FASTKD1: variants seen among roughly 807,000 people sequenced by gnomAD.
The protein encoded by FASTKD1 is FAST kinase domain-containing protein 1, mitochondrial.
Under a neutral mutation model 90.9 loss-of-function variants are expected in FASTKD1, and 94 were observed. The ratio of observed to expected loss-of-function variants is 1.03; its 90% CI spans 0.88 to 1.23. The LOEUF (loss-of-function observed/expected upper bound fraction) is 1.23, where lower values mean the gene tolerates loss of function less well. Among genes scored for constraint, FASTKD1 ranks in the 50% most tolerant of loss-of-function variants. The pLI is 0.00. For synonymous variants in FASTKD1, 319 were observed against 345.8 expected (o/e 0.92, Z 0.86); for missense variants, 945 against 993.5 (o/e 0.95, Z 0.66).
chr2:169,544,713 ATACCTACCTAAG>A lies in FASTKD1; in HGVS notation c.1812_1816+7del. ...TTCACTCAATGTATTACCAAACAAT[ATACCTACCTAAG>A]TAAGAATTAAGATGTTGCACGCAAG... On this transcript the variant is annotated splice_donor_variant and splice_donor_5th_base_variant and coding_sequence_variant and intron_variant, in exon 9 of 15. Coordinates refer to ENST00000453153, the MANE Select transcript of FASTKD1 (RefSeq NM_024622.6). LOFTEE classifies it high-confidence loss of function. 6.7e-7 allele frequency: 1 copy of A among 1,481,802 alleles called. No homozygotes were observed. The highest frequency in any genetic ancestry group is 1.8e-4 in the Middle Eastern group (1 of 5,456). 91.8% of individuals were successfully genotyped at this position (1,481,802 alleles called of 1,614,324 possible).
intron 6 of FASTKD1, 57 bp from the exon 7 acceptor site, chr2:169,555,312 A>G: frequency 6.8e-7 from 1 of 1,463,250 alleles, no homozygotes. Context: ...CACATTTACT[A>G]TGGTGCTTTC....
intron 3 of FASTKD1, among the ~76,000 whole-genome samples, chr2:169,564,721 G>A (rs1330114522): frequency 1.3e-5 from 2 of 151,584 alleles, no homozygotes; most frequent in Non-Finnish European, 2.9e-5. Context: ...ACAATCGCCC[G>A]TTACCCTTCC....
chr2:169,538,622 C>G (rs1018201539), intron 10 of FASTKD1, among the ~76,000 whole-genome samples: 1 of 140,416 alleles, frequency 7.1e-6, no homozygotes, highest in Non-Finnish European at 1.5e-5. Context: ...TTTTGGGTAA[C>G]CAAGATCATG....
chr2:169,539,835 C>T (rs1447150720), intron 10 of FASTKD1, among the ~76,000 whole-genome samples: 1 of 152,034 alleles, frequency 6.6e-6, no homozygotes, highest in Non-Finnish European at 1.5e-5. Flanking sequence ...AAGAAATACT[C>T]CAAAACATTA....
In FASTKD1 at chr2:169,555,191, G is replaced by C. The variant is rs1354858085; in HGVS notation, c.1147C>G (p.Gln383Glu). ...YKPLELLKIT[Q>E]ELTFLHFQRK... ...TGGAAATGCAGAAAAGTTAATTCTT[G>C]AGTTATCTTCAACAACTCTAATGGT... The change falls in exon 7 of 15, where the codon CAA becomes GAA. Residue 383 changes from glutamine to glutamate, a missense_variant. Transcript: ENST00000453153. The C allele has an allele frequency of 6.2e-7, 1 of 1,612,250 alleles. No individual in the cohort carries two copies. The highest frequency in any genetic ancestry group is 1.7e-5 in the Admixed American group (1 of 59,852).
chr2:169,547,293 C>T (rs888134680), intron 7 of FASTKD1, among the ~76,000 whole-genome samples: 25 of 152,174 alleles, frequency 1.6e-4, no homozygotes, highest in Non-Finnish European at 3.1e-4. Flanking sequence ...TCCACGTGTT[C>T]GGCTATCCGG....
rs757368016 is a variant in FASTKD1 at position 169,569,228 on chromosome 2, C to G, written c.402G>C (p.Pro134=). 2 of 1,613,994 alleles carry G rather than the reference C, an allele frequency of 1.2e-6. No homozygotes were observed. The highest frequency in any genetic ancestry group is 1.7e-5 in the Admixed American group (1 of 60,018). ...TQQFAGEAHD[P]LVEALVTEAW... is the part of the protein sequence containing the mutation. Reference sequence around the variant, plus strand: ...CTTCTGTAACTAGTGCTTCAACTAGCGGGTCATGGGCCTCACCAGCAAACC... The same window carrying G: ...CTTCTGTAACTAGTGCTTCAACTAGGGGGTCATGGGCCTCACCAGCAAACC... Residue 134 remains proline, a synonymous_variant, in exon 3 of 15, where the codon CCG becomes CCC. Transcript: ENST00000453153.
chr2:169,537,217 A>G lies in FASTKD1; in HGVS notation c.2188+10T>C. On this transcript the variant is annotated intron_variant, in intron 12 of 14. Transcript: ENST00000453153. ...TCTGAAAGTAACTAATAACCTACCC[A>G]ATAACTTACCTACTTTGTGGTAATA... is the stretch of plus-strand genomic sequence containing the variant. 2 of 1,489,828 alleles carry G rather than the reference A, an allele frequency of 1.3e-6. No individual in the cohort carries two copies. The highest frequency in any genetic ancestry group is 1.9e-6 in the Non-Finnish European group (2 of 1,067,766). 92.3% of individuals were successfully genotyped at this position (1,489,828 alleles called of 1,614,324 possible).
intron 11 of FASTKD1, among the ~76,000 whole-genome samples, 179 bp from the exon 12 acceptor site, chr2:169,537,519 G>A (rs549490002): frequency 8.2e-4 from 124 of 152,056 alleles, no homozygotes; most frequent in Non-Finnish European, 1.4e-3. Flanking sequence ...CAAGTAGCTG[G>A]GATTACAGGC....
intron 9 of FASTKD1, among the ~76,000 whole-genome samples, chr2:169,541,437 C>A (rs1424094091): frequency 2.0e-5 from 3 of 152,184 alleles, no homozygotes; most frequent in Non-Finnish European, 4.4e-5. Context: ...AAAGTCTCAT[C>A]TTTCTACATA....
intron 12 of FASTKD1, among the ~76,000 whole-genome samples, chr2:169,534,453 T>G (rs1299243047): frequency 3.4e-5 from 5 of 148,922 alleles, no homozygotes; most frequent in South Asian, 2.1e-4. Flanking sequence ...TTCTGTTGTT[T>G]TTTTTTTTTC....
Position 169,540,157 on chromosome 2 carries a change from T to G in FASTKD1, c.1839A>C (p.Leu613Phe). 1 of 1,590,476 alleles carries G rather than the reference T, an allele frequency of 6.3e-7. No homozygotes were observed. Residue 613 changes from leucine (L) to phenylalanine (F), a missense_variant, in exon 10 of 15, where the codon TTA (leucine) becomes TTC (phenylalanine). Physicochemically the swap from Leu to Phe is conservative, Grantham distance 22 (BLOSUM62 0). Coordinates refer to ENST00000453153, the MANE Select transcript of FASTKD1 (RefSeq NM_024622.6). The part of the protein sequence containing the change: ...SYLGILDPFI[L>F]VFLGFSLATL... ...TGGCCAAAGAGAAACCAAGAAACAC[T>G]AATATAAAAGGATCCAATATACCTA...
At chr2:169,532,590 C>T (rs936838919) in intron 12 of FASTKD1, among the ~76,000 whole-genome samples, 3 of 150,208 alleles carry the variant, frequency 2.0e-5, no homozygotes, top group Non-Finnish European at 3.0e-5. Flanking sequence ...CCCAGGTTTA[C>T]AGTAAAAACA....
intron 6 of FASTKD1, among the ~76,000 whole-genome samples, chr2:169,556,228 G>A (rs1380621998): frequency 6.6e-6 from 1 of 152,018 alleles, no homozygotes; most frequent in Non-Finnish European, 1.5e-5. Context: ...CTTGAGCCCA[G>A]GAGTTGGAGA....
At chr2:169,557,715 C>T (rs972624502) in intron 5 of FASTKD1, among the ~76,000 whole-genome samples, 2 of 152,064 alleles carry the variant, frequency 1.3e-5, no homozygotes, top group African/African-American at 4.8e-5. Context: ...AGTCAATAAA[C>T]CTGCATATTA....
chr2:169,565,796 C>T (rs1683949919), intron 3 of FASTKD1, among the ~76,000 whole-genome samples: 2 of 152,192 alleles, frequency 1.3e-5, no homozygotes, highest in African/African-American at 4.8e-5. Context: ...TACTAATTTA[C>T]ATTCCCAAAA....
At chr2:169,533,055 TCTA>T (rs1174253894) in intron 12 of FASTKD1, among the ~76,000 whole-genome samples, 2 of 152,184 alleles carry the variant, frequency 1.3e-5, no homozygotes, top group Non-Finnish European at 2.9e-5. Flanking sequence ...TTCCCATAAT[TCTA>T]CTACCTTCAA....
intron 9 of FASTKD1, among the ~76,000 whole-genome samples, chr2:169,542,339 T>C (rs914975205): frequency 2.0e-5 from 3 of 152,192 alleles, no homozygotes; most frequent in Non-Finnish European, 4.4e-5. Flanking sequence ...AGCTTCTATA[T>C]CATACTGACA....
intron 7 of FASTKD1, among the ~76,000 whole-genome samples, chr2:169,549,158 G>A (rs957223424): frequency 2.6e-5 from 4 of 151,908 alleles, no homozygotes; most frequent in Admixed American, 6.6e-5. Context: ...CCTTTGGGAG[G>A]CCGAGGTGGG....
Sources: allele counts gnomAD v4.1 joint callset (sites outside exome capture counted in the v4.1 genomes callset), GRCh38; gene constraint gnomAD v4.1.1; transcripts MANE v1.5; gene names NCBI Gene and HGNC (gene_info 2026-07-23, HGNC 2026-07-21).